The following ERCC6L2 variants were observed in gnomAD, a reference collection of about 807,000 sequenced individuals.
The protein encoded by ERCC6L2 is DNA excision repair protein ERCC-6-like 2.
In ERCC6L2, 77 loss-of-function variants were observed where a neutral mutation model predicts 132.0. The ratio of observed to expected loss-of-function variants is 0.58; its 90% CI spans 0.49 to 0.71. The LOEUF (loss-of-function observed/expected upper bound fraction) is 0.71. ERCC6L2 is among the 30% of genes least tolerant of loss of function. ERCC6L2 has a pLI of 0.00. For synonymous variants in ERCC6L2, 583 were observed against 632.4 expected (o/e 0.92, Z 1.17); for missense variants, 1,542 against 1,837.6 (o/e 0.84, Z 2.94).
intron 12 of ERCC6L2, among the ~76,000 whole-genome samples, chr9:95,951,648 T>G (rs1487407753): frequency 6.6e-6 from 1 of 151,026 alleles, no homozygotes; most frequent in Non-Finnish European, 1.5e-5. Context: ...TAAAAAGGAG[T>G]TCAAGAGAGT....
rs984408680 is a variant in ERCC6L2, at chr9:95,921,083, C to G, written c.1159-92C>G. The G allele has an allele frequency of 1.3e-5, 16 of 1,257,016 alleles. 1 individual carries two copies. In the Admixed American group the frequency reaches 3.9e-4, roughly 30 times the overall value. The allele number at this position is 1,257,016 out of a possible 1,614,324, so 77.9% of individuals were successfully genotyped here. On this transcript the variant is annotated intron_variant, in intron 6 of 18. Coordinates refer to ENST00000653738, the MANE Select transcript of ERCC6L2 (RefSeq NM_020207.7). ...AGCCTCTGCGCCCGGCCAGTTTTCA[C>G]TGTTATAATCTATGAAATCAGATGT...
chr9:95,916,308 G>A lies in ERCC6L2; in HGVS notation c.1032G>A (p.Thr344=), dbSNP rs144924790. ...SDPVEHGQRH[T]ATKRELATGR... is the part of the protein sequence containing the mutation. ...CAGTAGAACATGGTCAGAGACACAC[G>A]GCAACAAAGAGAGAACTAGCCACTG... is the stretch of plus-strand genomic sequence containing the variant. Residue 344 remains threonine, a synonymous_variant, in exon 6 of 19, where the codon ACG becomes ACA. Transcript: ENST00000653738. 7.1e-5 allele frequency: 114 copies of A among 1,613,964 alleles called. No homozygotes were observed. In the African/African-American group the frequency reaches 1.2e-3, roughly 17 times the overall value.
chr9:95,980,512 A>C (rs1832846798), intron 17 of ERCC6L2, among the ~76,000 whole-genome samples: 1 of 152,188 alleles, frequency 6.6e-6, no homozygotes. Context: ...TGATACAGCA[A>C]AATTTCATTC....
intron 17 of ERCC6L2, among the ~76,000 whole-genome samples, chr9:95,992,388 T>A (rs1229006622): frequency 2.6e-5 from 4 of 152,226 alleles, no homozygotes; most frequent in African/African-American, 9.6e-5. Flanking sequence ...CTTAGACCCA[T>A]ATGAAAACAG....
intron 6 of ERCC6L2, among the ~76,000 whole-genome samples, chr9:95,917,369 A>G (rs1829650897): frequency 1.3e-5 from 2 of 152,324 alleles, no homozygotes; most frequent in South Asian, 4.1e-4. Context: ...GGTTCTGTAG[A>G]TTACTATGGA....
At chr9:95,907,343 T>G (rs548200067) in intron 4 of ERCC6L2, 72 bp downstream of exon 4, 15 of 1,112,534 alleles carry the variant, frequency 1.3e-5, no homozygotes, top group East Asian at 9.1e-5. Context: ...TAAGAGTTTT[T>G]TTTTTTTTTT....
chr9:95,938,272 G>A (rs914135110), intron 11 of ERCC6L2, among the ~76,000 whole-genome samples: 1 of 151,610 alleles, frequency 6.6e-6, no homozygotes, highest in Non-Finnish European at 1.5e-5. Context: ...TATGGCCCAG[G>A]ATTTGGTCTA....
intron 17 of ERCC6L2, among the ~76,000 whole-genome samples, chr9:95,979,487 T>C (rs759008307): frequency 3.3e-5 from 5 of 152,164 alleles, no homozygotes; most frequent in Non-Finnish European, 5.9e-5. Context: ...AGCACTCACT[T>C]TGAAGGAAAT....
At chr9:96,022,667 AGG>A (rs1834311075), downstream of ERCC6L2, among the ~76,000 whole-genome samples, 3 of 152,244 alleles carry the variant, frequency 2.0e-5, no homozygotes, top group African/African-American at 7.2e-5. Flanking sequence ...GTCTGTTAAT[AGG>A]GATGCTGAAT....
downstream of ERCC6L2, among the ~76,000 whole-genome samples, chr9:96,022,946 C>G (rs1349815637): frequency 6.6e-6 from 1 of 152,194 alleles, no homozygotes; most frequent in African/African-American, 2.4e-5. Flanking sequence ...CGCGCTCTCC[C>G]GTCCCTCACC....
intron 17 of ERCC6L2, among the ~76,000 whole-genome samples, chr9:95,983,888 C>T (rs899614816): frequency 6.6e-6 from 1 of 152,094 alleles, no homozygotes; most frequent in African/African-American, 2.4e-5. Flanking sequence ...GGTCTTTGAC[C>T]CTTTCGTGTT....
intron 3 of ERCC6L2, chr9:95,906,790 TTCTC>T (rs1829060567): frequency 4.1e-6 from 2 of 489,262 alleles, no homozygotes; most frequent in Non-Finnish European, 7.8e-6. Flanking sequence ...GGAAAGTTAC[TTCTC>T]TCTCATTTCT....
At chr9:95,931,573 A>G (rs1008111895) in intron 11 of ERCC6L2, among the ~76,000 whole-genome samples, 10 of 152,172 alleles carry the variant, frequency 6.6e-5, no homozygotes, top group African/African-American at 2.4e-4. Flanking sequence ...TTGCTCTCTC[A>G]CTTAATTGAT....
downstream of ERCC6L2, chr9:96,021,451 C>T (rs1834287752): frequency 4.3e-6 from 1 of 230,700 alleles, no homozygotes; most frequent in Admixed American, 5.4e-5. The surrounding 1 kb of genome is among the most constrained non-coding windows in gnomAD (Gnocchi z 4.7). Flanking sequence ...GAGGGCGGCG[C>T]AGCCCTCTGC....
chr9:95,921,129 G>T, intron 6 of ERCC6L2, 46 bp from the exon 7 acceptor site: 2 of 1,520,888 alleles, frequency 1.3e-6, no homozygotes, highest in Non-Finnish European at 1.8e-6. Context: ...TTTTATTATT[G>T]TTATAAACAA....
At chr9:95,996,539 C>T (rs989784093) in intron 17 of ERCC6L2, among the ~76,000 whole-genome samples, 14 of 152,222 alleles carry the variant, frequency 9.2e-5, no homozygotes, top group African/African-American at 3.4e-4. Context: ...GAAGTCAATG[C>T]CTGGCTTCAA....
At chr9:95,947,357 TC>T (rs545601838) in intron 12 of ERCC6L2, among the ~76,000 whole-genome samples, 5 of 152,128 alleles carry the variant, frequency 3.3e-5, no homozygotes, top group Admixed American at 1.3e-4. Flanking sequence ...CTAACACACT[TC>T]AGTTCTTTGA....
At chr9:96,028,001 C>T (rs1834405631) in intron 19 of ERCC6L2, 1 of 152,200 alleles carries the variant, frequency 6.6e-6, no homozygotes, top group Non-Finnish European at 1.5e-5. Context: ...TCTAGGAGCG[C>T]GTGACATCGG....
At chr9:95,924,413 A>G (rs960959480) in intron 9 of ERCC6L2, among the ~76,000 whole-genome samples, 1 of 152,114 alleles carries the variant, frequency 6.6e-6, no homozygotes, top group African/African-American at 2.4e-5. Context: ...AATAATTCAA[A>G]TCTAATGATA....
Sources: allele counts gnomAD v4.1 joint callset (sites outside exome capture counted in the v4.1 genomes callset), GRCh38; gene constraint gnomAD v4.1.1; non-coding constraint Gnocchi (gnomAD v3.1); transcripts MANE v1.5; gene names NCBI Gene and HGNC (gene_info 2026-07-23, HGNC 2026-07-21).